Variants in DICER1 observed in about 807,000 individuals in gnomAD.
DICER1 encodes endoribonuclease Dicer.
In DICER1, 43 loss-of-function variants were observed where a neutral mutation model predicts 194.1. The ratio of observed to expected loss-of-function variants is 0.22; its 90% CI spans 0.17 to 0.29. DICER1 has a LOEUF of 0.29. DICER1 is among the 10% of genes least tolerant of loss of function. The pLI is 1.00. For synonymous variants in DICER1, 832 were observed against 820.5 expected, an observed-to-expected ratio of 1.01 and a Z score of -0.24; for missense variants, 1,608 against 2,317.0, an observed-to-expected ratio of 0.69 and a Z score of 6.28.
intron 1 of DICER1, among the ~76,000 whole-genome samples, chr14:95,153,154 T>C (rs546967565): frequency 6.6e-5 from 10 of 151,894 alleles, no homozygotes; most frequent in African/African-American, 2.2e-4. Context: ...GAGGCGGAGC[T>C]TGCCGTGAGC....
chr14:95,092,146 G>T (rs934081273), intron 24 of DICER1, among the ~76,000 whole-genome samples: 8 of 152,158 alleles, frequency 5.3e-5, no homozygotes, highest in Non-Finnish European at 1.0e-4. Context: ...GTGTTGACTA[G>T]CGTGTGGCCC....
Position 95,089,691 on chromosome 14 carries a change from C to T in DICER1, c.*807G>A, listed in dbSNP as rs1889620559. The T allele has an allele frequency of 4.3e-6, 1 of 231,520 alleles. No homozygotes were observed. The highest frequency in any genetic ancestry group is 8.6e-6 in the Non-Finnish European group (1 of 116,930). The allele number at this position is 231,520 out of a possible 1,614,324, so 14.3% of individuals were successfully genotyped here. On this transcript the variant is annotated 3_prime_UTR_variant, in exon 27 of 27. Transcript: ENST00000343455. ...CATATGACAGAAATTTTAGTATGAT[C>T]CTGTAATAAGTTACAACTATACTAG... is the stretch of plus-strand genomic sequence containing the variant.
chr14:95,137,977 AGG>A (rs1490419358), intron 1 of DICER1: 1 of 154,762 alleles, frequency 6.5e-6, no homozygotes, highest in African/African-American at 2.4e-5. Flanking sequence ...GAAAACAGGC[AGG>A]GCAGGGAAGC....
intron 1 of DICER1, among the ~76,000 whole-genome samples, chr14:95,143,498 C>A (rs756679915): frequency 2.6e-4 from 39 of 152,124 alleles, no homozygotes; most frequent in Non-Finnish European, 4.9e-4. Flanking sequence ...AAATAACACT[C>A]AATCGCCTGG....
chr14:95,118,898 C>T (rs1302468722), intron 8 of DICER1, among the ~76,000 whole-genome samples: 1 of 152,052 alleles, frequency 6.6e-6, no homozygotes, highest in Non-Finnish European at 1.5e-5. Flanking sequence ...ACTTGCGTGT[C>T]TAGGTTAGTT....
intron 1 of DICER1, among the ~76,000 whole-genome samples, chr14:95,133,909 T>C (rs1174685672): frequency 6.6e-6 from 1 of 152,236 alleles, no homozygotes; most frequent in Non-Finnish European, 1.5e-5. Flanking sequence ...CACAGAACAA[T>C]GTCCATAATA....
At chr14:95,115,355 G>A (rs1222613435) in intron 11 of DICER1, among the ~76,000 whole-genome samples, 1 of 151,792 alleles carries the variant, frequency 6.6e-6, no homozygotes, top group Non-Finnish European at 1.5e-5. Flanking sequence ...CAATGGTTAT[G>A]GCACAAAACA....
intron 2 of DICER1, among the ~76,000 whole-genome samples, chr14:95,132,878 T>C (rs2140291575): frequency 6.6e-6 from 1 of 152,356 alleles, no homozygotes; most frequent in East Asian, 1.9e-4. Context: ...AGCTGTATTG[T>C]GTAAATACGT....
chr14:95,147,443 G>A (rs1252184505), intron 1 of DICER1, among the ~76,000 whole-genome samples: 1 of 152,138 alleles, frequency 6.6e-6, no homozygotes, highest in African/African-American at 2.4e-5. Context: ...GTAAGACCCT[G>A]TCTCTAGAAT....
intron 21 of DICER1, among the ~76,000 whole-genome samples, chr14:95,100,334 G>C (rs1248770970): frequency 3.9e-5 from 6 of 152,202 alleles, no homozygotes; most frequent in Admixed American, 1.3e-4. Flanking sequence ...AAGTCAAGAT[G>C]TCACAATATT....
chr14:95,137,529 G>C (rs1894498006), intron 1 of DICER1, among the ~76,000 whole-genome samples: 1 of 142,618 alleles, frequency 7.0e-6, no homozygotes, highest in Non-Finnish European at 1.5e-5. Flanking sequence ...AGGGAAAGGG[G>C]AAAGGGAAAG....
At position 95,087,950 on chromosome 14, in the gene DICER1, A is replaced by C. The variant is rs894948143; in HGVS notation, c.*2548T>G. 1 of 232,968 alleles carries C rather than the reference A, an allele frequency of 4.3e-6. No individual in the cohort carries two copies. The highest frequency in any genetic ancestry group is 8.5e-6 in the Non-Finnish European group (1 of 117,956). 14.4% of individuals were successfully genotyped at this position (232,968 alleles called of 1,614,324 possible). A position where few individuals can be genotyped will look rare whatever the true frequency, so the allele number is the denominator to read the frequency against. On this transcript the variant is annotated 3_prime_UTR_variant, in exon 27 of 27. Coordinates refer to ENST00000343455, the MANE Select transcript of DICER1 (RefSeq NM_177438.3). ...TTTTTTTTCCTTAATTGACAGATGC[A>C]AAACATTTCAACAAGCTAAACACAG...
rs532700009 is a variant in DICER1 at position 95,157,502 on chromosome 14, G to A, written c.-318C>T. Reference sequence around the variant, plus strand: ...CAGCCAGCGCACGGCCCGCGGCAACGGCGCACAGCCGCTTGGAGAATCCCA... The same window carrying A: ...CAGCCAGCGCACGGCCCGCGGCAACAGCGCACAGCCGCTTGGAGAATCCCA... On this transcript the variant is annotated 5_prime_UTR_variant, in exon 1 of 27. Transcript: ENST00000343455. 1,060 of 152,382 alleles carry A rather than the reference G, an allele frequency of 7.0e-3. 14 individuals carry two copies. Among genetic ancestry groups the A allele is most frequent in the South Asian group, 0.016 (76 of 4,882 alleles). 9.4% of individuals were successfully genotyped at this position (152,382 alleles called of 1,614,324 possible). A position where few individuals can be genotyped will look rare whatever the true frequency, so the allele number is the denominator to read the frequency against.
chr14:95,124,080 A>C lies in DICER1; in HGVS notation c.1376+116T>G. On this transcript the variant is annotated intron_variant, in intron 8 of 26. Coordinates refer to ENST00000343455, the MANE Select transcript of DICER1 (RefSeq NM_177438.3). The surrounding 1 kb of genome is among the most constrained non-coding windows in gnomAD (Gnocchi z 4.5). ...TGACGTATCAGCAATGATGGCGCCAAGTCAAGGACACTTACATAACCCTCA... is the reference window on the plus strand; with the variant it reads ...TGACGTATCAGCAATGATGGCGCCACGTCAAGGACACTTACATAACCCTCA... 1.3e-6 allele frequency: 1 copy of C among 752,542 alleles called. No homozygotes were observed. Among genetic ancestry groups the C allele is most frequent in the Non-Finnish European group, 2.3e-6 (1 of 440,160 alleles). The allele number at this position is 752,542 out of a possible 1,614,324, so 46.6% of individuals were successfully genotyped here.
At chr14:95,140,346 G>A (rs1894748889) in intron 1 of DICER1, among the ~76,000 whole-genome samples, 1 of 151,936 alleles carries the variant, frequency 6.6e-6, no homozygotes, top group Admixed American at 6.6e-5. Context: ...TCTATGCTTA[G>A]GTATATTTAG....
intron 1 of DICER1, among the ~76,000 whole-genome samples, chr14:95,136,191 A>C (rs1421682050): frequency 6.6e-6 from 1 of 152,034 alleles, no homozygotes; most frequent in African/African-American, 2.4e-5. Flanking sequence ...CTTGCAACAT[A>C]AATCTTTTTC....
intron 8 of DICER1, among the ~76,000 whole-genome samples, chr14:95,119,768 G>A (rs1892782501): frequency 6.6e-6 from 1 of 152,166 alleles, no homozygotes; most frequent in Non-Finnish European, 1.5e-5. Context: ...TCATAAAAGT[G>A]AATGACTAAG....
rs528794811 is a variant in DICER1 at position 95,117,480 on chromosome 14, G to T, written c.1509+142C>A. The T allele has an allele frequency of 1.4e-5, 12 of 874,228 alleles. No individual in the cohort carries two copies. In the South Asian group the frequency reaches 1.7e-4, roughly 12 times the overall value. 54.2% of individuals were successfully genotyped at this position (874,228 alleles called of 1,614,324 possible). A position where few individuals can be genotyped will look rare whatever the true frequency, so the allele number is the denominator to read the frequency against. On this transcript the variant is annotated intron_variant, in intron 9 of 26. Transcript: ENST00000343455. Reference sequence around the variant, plus strand: ...CTACAGCTACCTCATGGGGACAGCTGGTCTAATATATGAAGAAGTATTCTA... The same window carrying T: ...CTACAGCTACCTCATGGGGACAGCTTGTCTAATATATGAAGAAGTATTCTA...
intron 21 of DICER1, among the ~76,000 whole-genome samples, chr14:95,102,859 T>C (rs1175867722): frequency 1.3e-5 from 2 of 152,180 alleles, no homozygotes; most frequent in East Asian, 1.9e-4. Context: ...TGAAGCTTGT[T>C]ACTCTTCTCC....
Sources: gnomAD v4.1 joint callset for allele counts (sites outside exome capture counted in the v4.1 genomes callset) on GRCh38, gnomAD v4.1.1 for gene constraint, Gnocchi (gnomAD v3.1) non-coding constraint, MANE v1.5 for transcripts, NCBI Gene and HGNC (gene_info 2026-07-23, HGNC 2026-07-21) for gene names.